The following RYR3 variants were observed in gnomAD, a reference collection of about 807,000 sequenced individuals.
RYR3 encodes brain ryanodine receptor-calcium release channel.
In RYR3, 207 loss-of-function variants were observed where a neutral mutation model predicts 584.3. The observed-to-expected ratio is 0.35, with a 90% CI of 0.32 to 0.40. RYR3 has a LOEUF of 0.40. RYR3 is among the 10% of genes least tolerant of loss of function. The pLI, the probability that RYR3 is intolerant of heterozygous loss-of-function variation, is 1.00. For missense variants in RYR3, 5,616 were observed against 6,089.2 expected (o/e 0.92, Z 2.59); for synonymous variants, 2,416 against 2,248.5 (o/e 1.07, Z -2.11).
intron 38 of RYR3, among the ~76,000 whole-genome samples, chr15:33,674,069 C>T (rs1350101701): frequency 6.6e-6 from 1 of 152,188 alleles, no homozygotes; most frequent in Non-Finnish European, 1.5e-5. Context: ...CTGGAGGTGA[C>T]CTTGAACCTG....
chr15:33,848,341 G>A lies in RYR3; in HGVS notation c.13548G>A (p.Glu4516=), dbSNP rs375815572. The A allele has an allele frequency of 1.2e-6, 2 of 1,613,736 alleles. No individual in the cohort carries two copies. The highest frequency in any genetic ancestry group is 2.7e-5 in the African/African-American group (2 of 74,932). ...AAAAAGAAATCGCCAGGAAGCTGGAGTTTGATGGCCTATATATCACCGAAC... is the reference window on the plus strand; with the variant it reads ...AAAAAGAAATCGCCAGGAAGCTGGAATTTGATGGCCTATATATCACCGAAC... The part of the protein sequence containing the change: ...KREKEIARKL[E]FDGLYITEQP... Residue 4516 remains glutamate, a synonymous_variant, in exon 94 of 104, where the codon GAG becomes GAA. Transcript: ENST00000634891.
At chr15:33,590,748 G>A (rs2059092084) in intron 16 of RYR3, among the ~76,000 whole-genome samples, 1 of 151,570 alleles carries the variant, frequency 6.6e-6, no homozygotes. Flanking sequence ...GGTTCATGAA[G>A]GTAGCCTTCA....
intron 1 of RYR3, among the ~76,000 whole-genome samples, chr15:33,406,641 G>A (rs1251035720): frequency 6.6e-6 from 1 of 152,222 alleles, no homozygotes; most frequent in African/African-American, 2.4e-5. Flanking sequence ...CACTTAGTTG[G>A]TTTTGGGATA....
chr15:33,678,266 G>A (rs2064324251), intron 38 of RYR3, among the ~76,000 whole-genome samples: 1 of 152,178 alleles, frequency 6.6e-6, no homozygotes, highest in Admixed American at 6.5e-5. Context: ...GGGGCCTGGT[G>A]GGAGATGACT....
intron 3 of RYR3, among the ~76,000 whole-genome samples, chr15:33,526,566 G>A (rs1302560179): frequency 2.0e-5 from 3 of 151,968 alleles, no homozygotes; most frequent in Non-Finnish European, 2.9e-5. Context: ...AGTAGAATTT[G>A]TAGTTAGACC....
intron 31 of RYR3, among the ~76,000 whole-genome samples, chr15:33,651,091 A>T (rs940398121): frequency 6.6e-6 from 1 of 152,246 alleles, no homozygotes; most frequent in African/African-American, 2.4e-5. Flanking sequence ...CTCAGTGGCC[A>T]TACTTACTGT....
intron 60 of RYR3, among the ~76,000 whole-genome samples, chr15:33,766,569 A>T (rs535752804): frequency 1.3e-4 from 20 of 152,316 alleles, no homozygotes; most frequent in African/African-American, 3.8e-4. Flanking sequence ...CTTTTCTTAG[A>T]TTATTAATTC....
chr15:33,638,696 A>C (rs1030460065), intron 27 of RYR3, among the ~76,000 whole-genome samples: 1 of 152,228 alleles, frequency 6.6e-6, no homozygotes, highest in Admixed American at 6.5e-5. Flanking sequence ...TGTGAGTAGT[A>C]GCAGTATTAA....
intron 19 of RYR3, among the ~76,000 whole-genome samples, chr15:33,613,648 C>T (rs2060306536): frequency 2.0e-5 from 3 of 152,182 alleles, no homozygotes; most frequent in Non-Finnish European, 4.4e-5. Flanking sequence ...AAAAGTATTA[C>T]ATGCTCATTA....
At chr15:33,672,372 C>T (rs1376578825) in intron 38 of RYR3, among the ~76,000 whole-genome samples, 1 of 152,170 alleles carries the variant, frequency 6.6e-6, no homozygotes, top group Non-Finnish European at 1.5e-5. Context: ...GAGAGGCCAG[C>T]CCTGTATGAG....
chr15:33,861,480 CT>C lies in RYR3; in HGVS notation c.14465+314del, dbSNP rs34330524. ...CTTCTTCTATCACCATATAAATATG[CT>C]TTTTTTTTTTTAATCCTAAACAAAG... On this transcript the variant is annotated intron_variant, in intron 102 of 103. Coordinates refer to ENST00000634891, the MANE Select transcript of RYR3 (RefSeq NM_001036.6). Among the ~76,000 whole-genome samples, 3,652 of 148,028 alleles carry C rather than the reference CT, an allele frequency of 0.025. 266 individuals are homozygous for C. The East Asian group carries it at 0.31, about 12-fold the overall frequency.
rs777615310 is a variant in RYR3, at chr15:33,652,818, G to A, written c.4243G>A (p.Val1415Met). ...CGTGGACCTGGAGATCGGCTGTCTCGTGGATCTGGCCATGGGCATGTTGTC... is the reference window on the plus strand; with the variant it reads ...CGTGGACCTGGAGATCGGCTGTCTCATGGATCTGGCCATGGGCATGTTGTC... ...SNVDLEIGCL[V>M]DLAMGMLSFS... The change falls in exon 32 of 104, where the codon GTG becomes ATG. Residue 1415 changes from valine (V) to methionine (M), a missense_variant. Physicochemically the swap from Val to Met is conservative, Grantham distance 21. Coordinates refer to ENST00000634891, the MANE Select transcript of RYR3 (RefSeq NM_001036.6). 7.5e-5 allele frequency: 121 copies of A among 1,613,924 alleles called. No homozygotes were observed. Among genetic ancestry groups the A allele is most frequent in the Admixed American group, 2.2e-4 (13 of 60,022 alleles).
At chr15:33,839,733 G>A (rs1228159503) in intron 89 of RYR3, 1 of 152,206 alleles carries the variant, frequency 6.6e-6, no homozygotes, top group East Asian at 1.9e-4. Context: ...GAGAATAAAG[G>A]CATTGGACAA....
chr15:33,624,725 C>T (rs1033377658), intron 20 of RYR3, among the ~76,000 whole-genome samples: 5 of 152,162 alleles, frequency 3.3e-5, no homozygotes, highest in East Asian at 1.9e-4. Flanking sequence ...GACACATTCA[C>T]GTGGTATTAC....
At chr15:33,812,785 C>T in intron 72 of RYR3, 78 bp from the exon 73 acceptor site, 1 of 1,452,200 alleles carries the variant, frequency 6.9e-7, no homozygotes, top group Non-Finnish European at 9.4e-7. Flanking sequence ...CCTACAGAAC[C>T]ATGGTAGGAC....
chr15:33,654,746 G>A (rs1296366406), intron 32 of RYR3, among the ~76,000 whole-genome samples: 2 of 152,152 alleles, frequency 1.3e-5, no homozygotes, highest in Non-Finnish European at 1.5e-5. Flanking sequence ...GCCGTACTTA[G>A]GGCATCCAAC....
At chr15:33,489,816 C>T (rs1297041766) in intron 2 of RYR3, among the ~76,000 whole-genome samples, 1 of 152,176 alleles carries the variant, frequency 6.6e-6, no homozygotes, top group Admixed American at 6.5e-5. Flanking sequence ...ATACTACCAC[C>T]AACGGTGTGT....
At chr15:33,612,309 G>A (rs2060234812) in intron 18 of RYR3, among the ~76,000 whole-genome samples, 2 of 152,160 alleles carry the variant, frequency 1.3e-5, no homozygotes, top group African/African-American at 4.8e-5. Context: ...CTGCTTATCC[G>A]AAATAATAAA....
At chr15:33,712,636 G>T (rs1051798068) in intron 43 of RYR3, among the ~76,000 whole-genome samples, 1 of 152,144 alleles carries the variant, frequency 6.6e-6, no homozygotes, top group Non-Finnish European at 1.5e-5. Context: ...GTTGCCACAG[G>T]TGAAGGCATG....
Sources: gnomAD v4.1 joint callset for allele counts (sites outside exome capture counted in the v4.1 genomes callset) on GRCh38, gnomAD v4.1.1 for gene constraint, MANE v1.5 for transcripts, NCBI Gene and HGNC (gene_info 2026-07-23, HGNC 2026-07-21) for gene names.